PSKH1: variants seen among roughly 807,000 people sequenced by gnomAD.
PSKH1 encodes serine/threonine-protein kinase H1.
PSKH1 carries 12 observed loss-of-function variants against 26.7 expected under a neutral mutation model. The ratio of observed to expected loss-of-function variants is 0.45; its 90% confidence interval spans 0.29 to 0.73. The LOEUF is 0.73. Ranked by LOEUF, PSKH1 falls within the 30% of genes least tolerant of loss-of-function variation. PSKH1 has a pLI of 0.11. For synonymous variants in PSKH1, 213 were observed against 234.3 expected, an observed-to-expected ratio of 0.91 and a Z score of 0.83; for missense variants, 431 against 595.2, an observed-to-expected ratio of 0.72 and a Z score of 2.87.
At chr16:67,899,188 A>G (rs1598185837) in intron 1 of PSKH1, among the ~76,000 whole-genome samples, 1 of 152,150 alleles carries the variant, frequency 6.6e-6, no homozygotes, top group East Asian at 1.9e-4. Flanking sequence ...TAAAACTCAA[A>G]CAGACTTCCT....
chr16:67,906,312 TC>T (rs2058155891), intron 1 of PSKH1, among the ~76,000 whole-genome samples: 1 of 151,930 alleles, frequency 6.6e-6, no homozygotes, highest in South Asian at 2.1e-4. Context: ...CCTCTGGTGA[TC>T]CACCCGCCTT....
chr16:67,925,840 G>A (rs1250409370), intron 2 of PSKH1, among the ~76,000 whole-genome samples: 2 of 152,204 alleles, frequency 1.3e-5, no homozygotes, highest in Non-Finnish European at 2.9e-5. Flanking sequence ...GACGGTGGAA[G>A]CGTGTTCTCC....
At chr16:67,898,222 G>A (rs1276645759) in intron 1 of PSKH1, among the ~76,000 whole-genome samples, 1 of 151,884 alleles carries the variant, frequency 6.6e-6, no homozygotes, top group Admixed American at 6.6e-5. Flanking sequence ...TCAAGAGTTC[G>A]AGAACAAGCC....
At position 67,908,944 on chromosome 16, in the gene PSKH1, C is replaced by G; in HGVS notation, c.195C>G (p.Pro65=). 1 of 1,613,922 alleles carries G rather than the reference C, an allele frequency of 6.2e-7. No individual in the cohort carries two copies. The highest frequency in any genetic ancestry group is 1.3e-5 in the African/African-American group (1 of 75,038). ...ASQYAHPCPG[P]PTAGHTEPPS... ...AGTATGCACACCCCTGCCCCGGTCC[C>G]CCGACTGCTGGCCACACGGAGCCTC... Residue 65 remains proline (P), a synonymous_variant, in exon 2 of 3, where the codon CCC becomes CCG. Coordinates refer to ENST00000291041, the MANE Select transcript of PSKH1 (RefSeq NM_006742.3).
intron 2 of PSKH1, among the ~76,000 whole-genome samples, chr16:67,913,596 T>A (rs186417307): frequency 4.7e-4 from 72 of 152,054 alleles, no homozygotes; most frequent in Middle Eastern, 3.4e-3. Flanking sequence ...GTGAAGTGAG[T>A]GGCTGGAAGG....
chr16:67,907,197 T>C (rs1162354354), intron 1 of PSKH1, among the ~76,000 whole-genome samples: 1 of 151,564 alleles, frequency 6.6e-6, no homozygotes, highest in Non-Finnish European at 1.5e-5. Flanking sequence ...TCTCCTGACC[T>C]TGTGATCCGC....
Position 67,909,480 on chromosome 16 carries a change from G to A in PSKH1, c.731G>A (p.Ser244Asn). 3 of 1,613,684 alleles carry A rather than the reference G, an allele frequency of 1.9e-6. No individual in the cohort carries two copies. The highest frequency in any genetic ancestry group is 2.5e-6 in the Non-Finnish European group (3 of 1,180,012). The change falls in exon 2 of 3, where the codon AGT (serine) becomes AAT (asparagine). Residue 244 changes from serine to asparagine, a missense_variant. By Grantham distance (46) the Ser-to-Asn change is conservative. Transcript: ENST00000291041. The surrounding 1 kb of genome is among the most constrained non-coding windows in gnomAD (Gnocchi z 7.8). Reference sequence around the variant, plus strand: ...ATCATCACCGACTTCGGCCTGGCCAGTGCTCGCAAGAAGGGTGATGACTGC... The same window carrying A: ...ATCATCACCGACTTCGGCCTGGCCAATGCTCGCAAGAAGGGTGATGACTGC... ...KIIITDFGLA[S>N]ARKKGDDCLM...
chr16:67,913,489 G>C (rs773330074), intron 2 of PSKH1, among the ~76,000 whole-genome samples: 5 of 152,068 alleles, frequency 3.3e-5, no homozygotes, highest in Non-Finnish European at 5.9e-5. Flanking sequence ...TAAAAAGCCT[G>C]TCCTGGTGTT....
intron 1 of PSKH1, among the ~76,000 whole-genome samples, chr16:67,901,612 C>T (rs1197477761): frequency 6.7e-6 from 1 of 148,284 alleles, no homozygotes; most frequent in Non-Finnish European, 1.5e-5. Flanking sequence ...GGATTACAGG[C>T]GTGAGCCACC....
At chr16:67,913,577 C>T (rs987433158) in intron 2 of PSKH1, among the ~76,000 whole-genome samples, 5 of 152,108 alleles carry the variant, frequency 3.3e-5, no homozygotes, top group African/African-American at 4.8e-5. Context: ...ACCAGGAGAC[C>T]GTCTAGCTGT....
chr16:67,912,452 G>A (rs2058175876), intron 2 of PSKH1, among the ~76,000 whole-genome samples: 1 of 152,306 alleles, frequency 6.6e-6, no homozygotes, highest in South Asian at 2.1e-4. Context: ...TTAAAGACAA[G>A]CCCCTTTATC....
chr16:67,923,971 G>A (rs2058209853), intron 2 of PSKH1, among the ~76,000 whole-genome samples: 1 of 152,204 alleles, frequency 6.6e-6, no homozygotes, highest in Admixed American at 6.5e-5. Context: ...CCTGGCTGTG[G>A]GCGAGTGTGG....
intron 1 of PSKH1, among the ~76,000 whole-genome samples, chr16:67,903,959 C>T (rs1402088116): frequency 6.7e-6 from 1 of 149,790 alleles, no homozygotes; most frequent in East Asian, 2.0e-4. Flanking sequence ...AAGCAGTCCT[C>T]CTGCCTTGGC....
chr16:67,927,242 G>A lies in PSKH1; in HGVS notation c.958-83G>A. 7.3e-7 allele frequency: 1 copy of A among 1,366,112 alleles called. No homozygotes were observed. The highest frequency in any genetic ancestry group is 1.0e-6 in the Non-Finnish European group (1 of 996,228). 84.6% of individuals were successfully genotyped at this position (1,366,112 alleles called of 1,614,324 possible). A position where few individuals can be genotyped will look rare whatever the true frequency, so the allele number is the denominator to read the frequency against. ...GGGCAGCACCTCTCTCTGGAAAGGG[G>A]AGGGTTGCTGAGTAGTGGCCTCATC... On this transcript the variant is annotated intron_variant, in intron 2 of 2. Transcript: ENST00000291041. This position sits in a 1 kb window ranked among gnomAD's most constrained non-coding sequence, Gnocchi z 5.5.
In PSKH1 at chr16:67,914,293, G is replaced by A. The variant is rs1479921059; in HGVS notation, c.957+4587G>A. On this transcript the variant is annotated intron_variant, in intron 2 of 2. Coordinates refer to ENST00000291041, the MANE Select transcript of PSKH1 (RefSeq NM_006742.3). ...GCCTCCCAAGTAGCTGGGATTACAG[G>A]CATGCGCCACCATGCCCAGATATCT... is the stretch of plus-strand genomic sequence containing the variant. Among the ~76,000 whole-genome samples, 5 of 151,896 alleles carry A rather than the reference G, an allele frequency of 3.3e-5. No individual in the cohort carries two copies. The East Asian group carries it at 9.6e-4, about 29-fold the overall frequency.
chr16:67,915,942 A>T, intron 2 of PSKH1, among the ~76,000 whole-genome samples: 1 of 152,212 alleles, frequency 6.6e-6, no homozygotes. Flanking sequence ...GGGAGAAGGA[A>T]CTAGAATAGG....
intron 1 of PSKH1, among the ~76,000 whole-genome samples, chr16:67,906,740 C>T (rs1054029987): frequency 1.3e-5 from 2 of 152,152 alleles, no homozygotes; most frequent in Non-Finnish European, 2.9e-5. Context: ...AGAGCCCTCT[C>T]ATTAGAAAGG....
chr16:67,904,628 C>T (rs900355033), intron 1 of PSKH1, among the ~76,000 whole-genome samples: 1 of 151,944 alleles, frequency 6.6e-6, no homozygotes, highest in African/African-American at 2.4e-5. Context: ...GCGTGAGCTG[C>T]CGTGCCTGGC....
Position 67,893,336 on chromosome 16 carries a change from C to A in PSKH1, c.-106C>A, listed in dbSNP as rs867726971. On this transcript the variant is annotated 5_prime_UTR_variant, in exon 1 of 3. Transcript: ENST00000291041. ...CATTGCCCGGAGATGGCCGGCAGAG[C>A]CGCCGAGACGCCGAAGAGCCCGCCG... is the stretch of plus-strand genomic sequence containing the variant. 3.3e-4 allele frequency: 52 copies of A among 156,060 alleles called. No homozygotes were observed. The highest frequency in any genetic ancestry group is 3.2e-3 in the Middle Eastern group (1 of 308). 9.7% of individuals were successfully genotyped at this position (156,060 alleles called of 1,614,324 possible).
Sources: allele counts gnomAD v4.1 joint callset (sites outside exome capture counted in the v4.1 genomes callset), GRCh38; gene constraint gnomAD v4.1.1; non-coding constraint Gnocchi (gnomAD v3.1); transcripts MANE v1.5; gene names NCBI Gene and HGNC (gene_info 2026-07-23, HGNC 2026-07-21).